Variants in MAGEC3 observed in about 807,000 individuals in gnomAD.
MAGEC3 encodes melanoma-associated antigen C3.
A neutral mutation model predicts 35.3 loss-of-function variants in MAGEC3; 34 were observed. The ratio of observed to expected loss-of-function variants is 0.96; its 90% CI spans 0.73 to 1.28. The LOEUF (loss-of-function observed/expected upper bound fraction) is 1.28, where lower values mean the gene tolerates loss of function less well. MAGEC3 is among the 50% of genes most tolerant of loss of function. MAGEC3 has a pLI of 0.00. For missense variants in MAGEC3, 561 were observed against 483.6 expected, an observed-to-expected ratio of 1.16 and a Z score of -1.50; for synonymous variants, 202 against 185.6, an observed-to-expected ratio of 1.09 and a Z score of -0.72.
At chrX:141,885,905 G>A (rs2017999676) in intron 4 of MAGEC3, among the ~76,000 whole-genome samples, 1 of 109,991 alleles carries the variant, frequency 9.1e-6, no homozygotes, top group Admixed American at 9.7e-5. Context: ...AATCCTTTGT[G>A]AAACAGATTT....
At chrX:141,879,078 G>T (rs959309542) in intron 2 of MAGEC3, 97 bp from the exon 3 acceptor site, 1 of 1,025,800 alleles carries the variant, frequency 9.7e-7, no homozygotes, top group South Asian at 2.6e-5. Context: ...GGAAGGCCAG[G>T]CGGTTTCCAG....
intron 4 of MAGEC3, 99 bp downstream of exon 4, chrX:141,881,895 C>T: frequency 9.7e-7 from 1 of 1,025,833 alleles, no homozygotes; most frequent in Non-Finnish European, 1.4e-6. Flanking sequence ...GACATGTGCC[C>T]AGTAGTGCTC....
intron 1 of MAGEC3, among the ~76,000 whole-genome samples, chrX:141,840,640 T>C (rs1378327834): frequency 9.0e-6 from 1 of 111,334 alleles, no homozygotes; most frequent in Non-Finnish European, 1.9e-5. Flanking sequence ...CCTCACTAAA[T>C]TGCCATATTA....
At chrX:141,883,480 A>T (rs748108656) in intron 4 of MAGEC3, among the ~76,000 whole-genome samples, 23 of 112,151 alleles carry the variant, frequency 2.1e-4, no homozygotes, top group African/African-American at 7.1e-4. Context: ...GCATCTTCAA[A>T]CACTCTCAAA....
intron 2 of MAGEC3, among the ~76,000 whole-genome samples, chrX:141,878,808 G>A (rs1569474412): frequency 8.9e-6 from 1 of 112,140 alleles, no homozygotes; most frequent in Admixed American, 9.4e-5. Flanking sequence ...GGCGTCTCAT[G>A]GAAATGGGGA....
chrX:141,852,345 C>T (rs756631643), intron 1 of MAGEC3, among the ~76,000 whole-genome samples: 11 of 110,102 alleles, frequency 1.0e-4, no homozygotes, highest in East Asian at 2.9e-4. Flanking sequence ...TGTGTATGTG[C>T]GGATCCTTTA....
intron 4 of MAGEC3, among the ~76,000 whole-genome samples, chrX:141,893,714 T>TGG (rs148119130): frequency 3.7e-4 from 28 of 76,347 alleles, no homozygotes; most frequent in African/African-American, 1.3e-3. Flanking sequence ...GGGCAGGAAT[T>TGG]GGGGGGGGGG....
chrX:141,842,253 G>A (rs1002948151), intron 1 of MAGEC3, among the ~76,000 whole-genome samples: 2 of 111,483 alleles, frequency 1.8e-5, no homozygotes, highest in Non-Finnish European at 3.8e-5. Flanking sequence ...ATGCAACAAT[G>A]AAAACTAGCA....
At chrX:141,844,350 C>G (rs2017704197) in intron 1 of MAGEC3, among the ~76,000 whole-genome samples, 1 of 110,847 alleles carries the variant, frequency 9.0e-6, no homozygotes, top group Admixed American at 9.7e-5. Context: ...CCTTCTCATT[C>G]CCTTGCTGAA....
At position 141,896,907 on chromosome X, in the gene MAGEC3, G is replaced by A. The variant is rs748889715; in HGVS notation, c.1149G>A (p.Gly383=). 5 of 1,180,708 alleles carry A rather than the reference G, an allele frequency of 4.2e-6. No homozygotes were observed. The highest frequency in any genetic ancestry group is 3.1e-5 in the East Asian group (1 of 31,800). The change falls in exon 7 of 8, where the codon GGG becomes GGA. Residue 383 remains glycine (G), a synonymous_variant. Transcript: ENST00000298296. ...GGEDEDMPAA[G]MPPLPQSPPE... Reference sequence around the variant, plus strand: ...AAGATGAGGATATGCCTGCTGCTGGGATGCCACCTCTTCCCCAGAGTCCTC... The same window carrying A: ...AAGATGAGGATATGCCTGCTGCTGGAATGCCACCTCTTCCCCAGAGTCCTC...
At chrX:141,846,734 A>G (rs1022930456) in intron 1 of MAGEC3, among the ~76,000 whole-genome samples, 37 of 111,321 alleles carry the variant, frequency 3.3e-4, no homozygotes, top group Middle Eastern at 4.2e-3. Context: ...GAATGTAACT[A>G]TGTGCATCCA....
At chrX:141,894,071 G>A (rs192288473) in intron 4 of MAGEC3, among the ~76,000 whole-genome samples, 130 of 111,639 alleles carry the variant, frequency 1.2e-3, no homozygotes, top group African/African-American at 4.0e-3. Flanking sequence ...ATGTTTTGTG[G>A]ACCTACTCAT....
chrX:141,884,315 T>G lies in MAGEC3; in HGVS notation c.909+2519T>G, dbSNP rs780719414. Among the ~76,000 whole-genome samples the G allele has an allele frequency of 3.6e-5, 4 of 111,259 alleles. No individual in the cohort carries two copies. In the Admixed American group the frequency reaches 3.8e-4, roughly 11 times the overall value. On this transcript the variant is annotated intron_variant, in intron 4 of 7. Coordinates refer to ENST00000298296, the MANE Select transcript of MAGEC3 (RefSeq NM_138702.1). ...ACTGGCTTAGCCTCCCAGCCTACAC[T>G]TTTTTTTCCTGTGCTGGATGCTTCC...
chrX:141,858,738 A>T (rs1441028395), intron 1 of MAGEC3, among the ~76,000 whole-genome samples: 1 of 110,504 alleles, frequency 9.0e-6, no homozygotes, highest in Non-Finnish European at 1.9e-5. Context: ...CTGCATATTT[A>T]TTTCTGCTCC....
chrX:141,867,442 A>T (rs2017856200), intron 2 of MAGEC3, among the ~76,000 whole-genome samples: 2 of 111,646 alleles, frequency 1.8e-5, no homozygotes, highest in Non-Finnish European at 3.8e-5. Flanking sequence ...GATAAGCACA[A>T]CAAAGAAACA....
chrX:141,895,652 G>C (rs2018085458), intron 6 of MAGEC3, 93 bp downstream of exon 6: 2 of 825,101 alleles, frequency 2.4e-6, no homozygotes, highest in Non-Finnish European at 3.3e-6. Context: ...TTCCCACCCT[G>C]CTCCTCATAT....
chrX:141,883,572 A>G (rs997765862), intron 4 of MAGEC3, among the ~76,000 whole-genome samples: 1 of 111,986 alleles, frequency 8.9e-6, no homozygotes, highest in Non-Finnish European at 1.9e-5. Context: ...AGGGTAAGAG[A>G]TAGAGTTTTT....
intron 4 of MAGEC3, among the ~76,000 whole-genome samples, chrX:141,888,435 G>A (rs1001591924): frequency 2.7e-5 from 3 of 112,425 alleles, no homozygotes; most frequent in South Asian, 3.7e-4. Context: ...TGGCTGGAAG[G>A]TCAGGGACTT....
At chrX:141,838,708 G>A in intron 1 of MAGEC3, 1 of 754,292 alleles carries the variant, frequency 1.3e-6, no homozygotes, top group Non-Finnish European at 1.6e-6. Context: ...ACAGTATGTA[G>A]TTCATCGGGG....
Sources: gnomAD v4.1 joint callset for allele counts (sites outside exome capture counted in the v4.1 genomes callset) on GRCh38, gnomAD v4.1.1 for gene constraint, MANE v1.5 for transcripts, NCBI Gene and HGNC (gene_info 2026-07-23, HGNC 2026-07-21) for gene names.